Variants in ZNF804B observed in about 807,000 individuals in gnomAD.
The protein encoded by ZNF804B is zinc finger 804B.
Under a neutral mutation model 101.4 loss-of-function variants are expected in ZNF804B, and 80 were observed. The ratio of observed to expected loss-of-function variants is 0.79; its 90% CI spans 0.66 to 0.95. ZNF804B has a LOEUF of 0.95. Among genes scored for constraint, ZNF804B ranks in the 40% least tolerant of loss-of-function variants. The pLI is 0.00. For missense variants in ZNF804B, 1,673 were observed against 1,561.9 expected (o/e 1.07, Z -1.20); for synonymous variants, 622 against 558.8 (o/e 1.11, Z -1.59).
intron 1 of ZNF804B, among the ~76,000 whole-genome samples, chr7:89,198,505 C>T (rs1483099353): frequency 6.6e-6 from 1 of 151,768 alleles, no homozygotes; most frequent in Non-Finnish European, 1.5e-5. Flanking sequence ...ACACTATAAG[C>T]TAGTGTGTTT....
chr7:88,975,809 G>T (rs1793608428), intron 1 of ZNF804B, among the ~76,000 whole-genome samples: 1 of 151,418 alleles, frequency 6.6e-6, no homozygotes, highest in Non-Finnish European at 1.5e-5. Flanking sequence ...TGCTTTGGTT[G>T]CATACAAAGT....
chr7:88,901,061 A>T (rs1207737931), intron 1 of ZNF804B, among the ~76,000 whole-genome samples: 1 of 151,806 alleles, frequency 6.6e-6, no homozygotes, highest in Non-Finnish European at 1.5e-5. Context: ...TTTTTCAGCC[A>T]TTATCCAGAC....
intron 1 of ZNF804B, among the ~76,000 whole-genome samples, chr7:88,916,559 TATAAA>T (rs1792634792): frequency 1.3e-5 from 2 of 152,162 alleles, no homozygotes; most frequent in Non-Finnish European, 2.9e-5. Context: ...ACTTAGACTC[TATAAA>T]ATAAGATGTA....
chr7:88,855,585 C>T (rs1175539977), intron 1 of ZNF804B, among the ~76,000 whole-genome samples: 1 of 152,148 alleles, frequency 6.6e-6, no homozygotes, highest in Non-Finnish European at 1.5e-5. Context: ...GTTTCTTTTG[C>T]TGTGCAGAAG....
rs555399052 is a variant in ZNF804B at position 89,011,055 on chromosome 7, T to C, written c.109-207100T>C. ...AAGAGATTCAATTGACTCAGAGTTC[T>C]CCATGGCTGGGGAGGCCTCAGGAAA... On this transcript the variant is annotated intron_variant, in intron 1 of 3. Transcript: ENST00000333190. Among the ~76,000 whole-genome samples the C allele has an allele frequency of 2.6e-5, 4 of 152,314 alleles. No individual in the cohort carries two copies. The South Asian group carries it at 8.3e-4, about 32-fold the overall frequency.
chr7:89,136,612 A>C (rs933816830), intron 1 of ZNF804B, among the ~76,000 whole-genome samples: 2 of 152,120 alleles, frequency 1.3e-5, no homozygotes, highest in Non-Finnish European at 2.9e-5. Context: ...GGAATTCTAC[A>C]AATCATACAA....
intron 1 of ZNF804B, among the ~76,000 whole-genome samples, chr7:88,909,829 G>A (rs746008848): frequency 1.2e-4 from 18 of 151,196 alleles, no homozygotes; most frequent in Non-Finnish European, 2.4e-4. Flanking sequence ...CTGACTTCTT[G>A]ATATTGCAAG....
At chr7:88,927,282 A>T (rs1481770472) in intron 1 of ZNF804B, among the ~76,000 whole-genome samples, 1 of 152,180 alleles carries the variant, frequency 6.6e-6, no homozygotes. Context: ...GTTTTTCAAA[A>T]GTGCTTCAGA....
chr7:89,119,571 G>T (rs568470747), intron 1 of ZNF804B, among the ~76,000 whole-genome samples: 9 of 152,126 alleles, frequency 5.9e-5, no homozygotes, highest in Non-Finnish European at 1.0e-4. Flanking sequence ...AAGGACTCTT[G>T]CCTCTGAGTC....
At chr7:89,006,820 T>G (rs1002537984) in intron 1 of ZNF804B, among the ~76,000 whole-genome samples, 1 of 152,164 alleles carries the variant, frequency 6.6e-6, no homozygotes, top group Non-Finnish European at 1.5e-5. Flanking sequence ...GATTAATTTT[T>G]TTTTCTTAAC....
intron 2 of ZNF804B, among the ~76,000 whole-genome samples, chr7:89,297,714 A>G (rs1035876599): frequency 6.6e-6 from 1 of 151,992 alleles, no homozygotes; most frequent in African/African-American, 2.4e-5. Context: ...TATATTCTGT[A>G]TTACTCTCTA....
intron 1 of ZNF804B, among the ~76,000 whole-genome samples, chr7:88,886,054 A>G (rs926852563): frequency 6.6e-6 from 1 of 152,174 alleles, no homozygotes; most frequent in African/African-American, 2.4e-5. Context: ...AACCACAAAT[A>G]TATATCTTAC....
intron 1 of ZNF804B, among the ~76,000 whole-genome samples, chr7:89,140,800 G>A (rs1309539980): frequency 1.3e-5 from 2 of 151,928 alleles, no homozygotes; most frequent in Admixed American, 6.6e-5. Flanking sequence ...TCATTCATGT[G>A]TTCATTGTAG....
intron 1 of ZNF804B, among the ~76,000 whole-genome samples, chr7:89,142,953 C>T (rs1790738813): frequency 6.6e-6 from 1 of 151,978 alleles, no homozygotes. Context: ...CTGTAATATA[C>T]TCTCAGAGGG....
At chr7:89,002,677 A>G (rs1028721466) in intron 1 of ZNF804B, among the ~76,000 whole-genome samples, 1 of 151,922 alleles carries the variant, frequency 6.6e-6, no homozygotes, top group Non-Finnish European at 1.5e-5. Context: ...AAAAGCCCTT[A>G]TATGGTATTT....
intron 1 of ZNF804B, among the ~76,000 whole-genome samples, chr7:89,012,100 T>C (rs1029733908): frequency 6.6e-6 from 1 of 152,172 alleles, no homozygotes; most frequent in African/African-American, 2.4e-5. Flanking sequence ...AATAACATGT[T>C]TAAGCCACCG....
At chr7:89,213,214 G>C (rs1788831675) in intron 1 of ZNF804B, among the ~76,000 whole-genome samples, 2 of 152,156 alleles carry the variant, frequency 1.3e-5, no homozygotes, top group Non-Finnish European at 2.9e-5. Flanking sequence ...AAAGATGATG[G>C]ATGCCAAAAG....
rs527782640 is a variant in ZNF804B, at chr7:89,254,654, T to A, written c.249+36359T>A. Among the ~76,000 whole-genome samples the A allele has an allele frequency of 8.7e-3, 1,255 of 144,794 alleles. 17 individuals are homozygous for A. The highest frequency in any genetic ancestry group is 0.026 in the African/African-American group (1,019 of 39,202). 95.0% of individuals were successfully genotyped at this position (144,794 alleles called of 152,430 possible). ...TATTTTTATTTTTATTTTTATTATTTTTTTTTTTTGAGTCAGAATCTCACT... is the reference window on the plus strand; with the variant it reads ...TATTTTTATTTTTATTTTTATTATTATTTTTTTTTGAGTCAGAATCTCACT... On this transcript the variant is annotated intron_variant, in intron 2 of 3. Coordinates refer to ENST00000333190, the MANE Select transcript of ZNF804B (RefSeq NM_181646.5).
intron 1 of ZNF804B, among the ~76,000 whole-genome samples, chr7:88,918,615 G>A (rs1584016113): frequency 6.6e-6 from 1 of 152,124 alleles, no homozygotes; most frequent in African/African-American, 2.4e-5. Context: ...ATAGCCAAAA[G>A]TAATGTAAAT....
Sources: gnomAD v4.1 joint callset for allele counts (sites outside exome capture counted in the v4.1 genomes callset) on GRCh38, gnomAD v4.1.1 for gene constraint, MANE v1.5 for transcripts, NCBI Gene and HGNC (gene_info 2026-07-23, HGNC 2026-07-21) for gene names.